Variants in DLGAP1 observed in about 807,000 individuals in gnomAD.
The protein encoded by DLGAP1 is DLG associated protein 1.
In DLGAP1, 11 loss-of-function variants were observed where a neutral mutation model predicts 90.8. The ratio of observed to expected loss-of-function variants is 0.12; its 90% confidence interval spans 0.08 to 0.20. The LOEUF (loss-of-function observed/expected upper bound fraction) is 0.20. Among genes scored for constraint, DLGAP1 ranks in the 10% least tolerant of loss-of-function variants. The pLI, the probability that DLGAP1 is intolerant of heterozygous loss-of-function variation, is 1.00. For missense variants in DLGAP1, 1,050 were observed against 1,333.8 expected (o/e 0.79, Z 3.31); for synonymous variants, 558 against 540.7 (o/e 1.03, Z -0.44).
chr18:4,302,583 G>A (rs1375886532), intron 1 of DLGAP1, among the ~76,000 whole-genome samples: 4 of 152,006 alleles, frequency 2.6e-5, no homozygotes, highest in African/African-American at 9.7e-5. Context: ...TTGACAATGT[G>A]TCTATTTTTA....
At chr18:3,621,375 T>A (rs749657121) in intron 7 of DLGAP1, among the ~76,000 whole-genome samples, 1 of 152,164 alleles carries the variant, frequency 6.6e-6, no homozygotes. Context: ...CTGGGCAACA[T>A]AGTGAGACCT....
intron 4 of DLGAP1, among the ~76,000 whole-genome samples, chr18:3,861,840 C>A (rs1459668449): frequency 6.6e-6 from 1 of 152,214 alleles, no homozygotes; most frequent in Non-Finnish European, 1.5e-5. Flanking sequence ...TAAGCTTTTC[C>A]AATGGGCCTG....
At chr18:4,047,160 T>C (rs1950558864) in intron 2 of DLGAP1, among the ~76,000 whole-genome samples, 1 of 152,254 alleles carries the variant, frequency 6.6e-6, no homozygotes, top group African/African-American at 2.4e-5. Context: ...ATGTTGTCTA[T>C]GTAACTGTTT....
intron 1 of DLGAP1, among the ~76,000 whole-genome samples, chr18:4,161,523 T>C (rs2144509368): frequency 6.6e-6 from 1 of 152,292 alleles, no homozygotes; most frequent in Non-Finnish European, 1.5e-5. Flanking sequence ...TTCCATGTCT[T>C]TGCTATTGTG....
intron 2 of DLGAP1, among the ~76,000 whole-genome samples, chr18:4,077,901 G>A (rs1038020962): frequency 1.3e-5 from 2 of 152,102 alleles, no homozygotes; most frequent in Non-Finnish European, 1.5e-5. Flanking sequence ...CGGTACTCAA[G>A]AGCTCTGAAC....
At chr18:4,151,144 T>A (rs954683957) in intron 2 of DLGAP1, 36 bp downstream of exon 2, 2 of 152,208 alleles carry the variant, frequency 1.3e-5, no homozygotes, top group Non-Finnish European at 2.9e-5. Flanking sequence ...AGAAACTGCT[T>A]CCTATACAAG....
intron 6 of DLGAP1, among the ~76,000 whole-genome samples, 154 bp downstream of exon 6, chr18:3,742,181 G>A (rs1395764765): frequency 6.6e-6 from 1 of 152,148 alleles, no homozygotes; most frequent in East Asian, 1.9e-4. Flanking sequence ...CTGAACCCAT[G>A]GCATGCTCTT....
intron 2 of DLGAP1, among the ~76,000 whole-genome samples, chr18:4,102,303 T>C (rs1175942001): frequency 6.6e-6 from 1 of 152,214 alleles, no homozygotes; most frequent in Non-Finnish European, 1.5e-5. Context: ...GCATTGGCCT[T>C]ATGGTTTGTG....
intron 4 of DLGAP1, among the ~76,000 whole-genome samples, chr18:3,871,905 G>T (rs79506135): frequency 0.011 from 1,628 of 152,224 alleles, 21 homozygotes; most frequent in Middle Eastern, 0.041. Context: ...TGCAGTAACC[G>T]CAGGCTCACA....
At chr18:3,575,191 A>G (rs111478617) in intron 8 of DLGAP1, among the ~76,000 whole-genome samples, 2,019 of 152,266 alleles carry the variant, frequency 0.013, 44 homozygotes, top group African/African-American at 0.046. Context: ...GACAAGTTTC[A>G]TTATCTGCAG....
chr18:3,565,228 A>C lies in DLGAP1; in HGVS notation c.2057+2262T>G, dbSNP rs1237992409. ...CAATGGCGTCATCTTGGCTCACTGC[A>C]ATCTCTGCCTCCTGGGTTAAAGGGA... On this transcript the variant is annotated intron_variant, in intron 9 of 12. Transcript: ENST00000315677. The surrounding 1 kb of genome is among the most constrained non-coding windows in gnomAD (Gnocchi z 4.0). Among the ~76,000 whole-genome samples, 1 of 152,042 alleles carries C rather than the reference A, an allele frequency of 6.6e-6. No individual in the cohort carries two copies. Among genetic ancestry groups the C allele is most frequent in the Admixed American group, 6.5e-5 (1 of 15,270 alleles).
chr18:4,218,997 A>G (rs2078019208), intron 1 of DLGAP1, among the ~76,000 whole-genome samples: 3 of 142,908 alleles, frequency 2.1e-5, no homozygotes, highest in South Asian at 2.3e-4. Context: ...ACCAAGTGGA[A>G]TTGCTGGGTC....
chr18:3,997,685 T>G (rs2074098250), intron 3 of DLGAP1, among the ~76,000 whole-genome samples: 1 of 151,874 alleles, frequency 6.6e-6, no homozygotes, highest in Non-Finnish European at 1.5e-5. Context: ...AAATACACAT[T>G]TAAAAAAAGA....
chr18:4,431,893 C>G (rs1461205177), intron 1 of DLGAP1, among the ~76,000 whole-genome samples: 1 of 152,172 alleles, frequency 6.6e-6, no homozygotes, highest in Non-Finnish European at 1.5e-5. Flanking sequence ...TTGTTGAGAA[C>G]AGTGCCACTT....
At chr18:4,051,079 G>T (rs1313368329) in intron 2 of DLGAP1, among the ~76,000 whole-genome samples, 2 of 152,142 alleles carry the variant, frequency 1.3e-5, no homozygotes, top group East Asian at 3.9e-4. Flanking sequence ...AACAGTTTGT[G>T]TGTTTGAAAC....
At chr18:3,515,832 T>C (rs535104607) in intron 10 of DLGAP1, among the ~76,000 whole-genome samples, 14 of 150,966 alleles carry the variant, frequency 9.3e-5, no homozygotes, top group Non-Finnish European at 1.9e-4. Context: ...CTTACCACTA[T>C]ATTATCAACT....
intron 10 of DLGAP1, among the ~76,000 whole-genome samples, chr18:3,518,744 T>C (rs1001245681): frequency 1.3e-5 from 2 of 152,122 alleles, no homozygotes; most frequent in African/African-American, 2.4e-5. Flanking sequence ...AATGGAATAA[T>C]ATAGGTAAAC....
chr18:4,424,668 CA>C (rs2083112813), intron 1 of DLGAP1, among the ~76,000 whole-genome samples: 1 of 152,082 alleles, frequency 6.6e-6, no homozygotes, highest in Non-Finnish European at 1.5e-5. Flanking sequence ...TGATTTAATT[CA>C]TGGCATATCT....
intron 7 of DLGAP1, among the ~76,000 whole-genome samples, chr18:3,643,947 A>G (rs1329766034): frequency 6.6e-6 from 1 of 152,168 alleles, no homozygotes; most frequent in Non-Finnish European, 1.5e-5. Flanking sequence ...TGATAGATAT[A>G]ATTAGTGCTC....
Sources: allele counts gnomAD v4.1 joint callset (sites outside exome capture counted in the v4.1 genomes callset), GRCh38; gene constraint gnomAD v4.1.1; non-coding constraint Gnocchi (gnomAD v3.1); transcripts MANE v1.5; gene names NCBI Gene and HGNC (gene_info 2026-07-23, HGNC 2026-07-21).